Variants in FUT8 observed in about 807,000 individuals in gnomAD.
FUT8 encodes the protein alpha-(1,6)-fucosyltransferase.
FUT8 carries 29 observed loss-of-function variants against 71.3 expected under a neutral mutation model. The ratio of observed to expected loss-of-function variants is 0.41; its 90% CI spans 0.30 to 0.55. The LOEUF is 0.55. Among genes scored for constraint, FUT8 ranks in the 20% least tolerant of loss-of-function variants. The pLI is 0.34. For synonymous variants in FUT8, 254 were observed against 239.3 expected, an observed-to-expected ratio of 1.06 and a Z score of -0.57; for missense variants, 544 against 702.1, an observed-to-expected ratio of 0.77 and a Z score of 2.55.
intron 2 of FUT8, among the ~76,000 whole-genome samples, chr14:65,492,948 C>T (rs2066503789): frequency 6.6e-6 from 1 of 151,962 alleles, no homozygotes; most frequent in East Asian, 1.9e-4. Context: ...TCCCCTTTAT[C>T]TCCCCACTCC....
rs148627430 is a variant in FUT8 at position 65,705,137 on chromosome 14, A to C, written c.836-16638A>C. Among the ~76,000 whole-genome samples, 784 of 152,240 alleles carry C rather than the reference A, an allele frequency of 5.1e-3. 7 individuals carry two copies. Among genetic ancestry groups the C allele is most frequent in the African/African-American group, 0.018 (750 of 41,552 alleles). On this transcript the variant is annotated intron_variant, in intron 7 of 10. Coordinates refer to ENST00000673929, the MANE Select transcript of FUT8 (RefSeq NM_001371533.1). ...AAGTTGACAGTAATAATAGTCTTTC[A>C]AGTTGTTGACTAAGTAGAGCAGTGA...
At chr14:65,556,438 GCT>G (rs1594766398) in intron 2 of FUT8, among the ~76,000 whole-genome samples, 1 of 152,308 alleles carries the variant, frequency 6.6e-6, no homozygotes, top group East Asian at 1.9e-4. Context: ...TTGTCTGAAG[GCT>G]GCCCTCAGCT....
chr14:65,698,714 T>G (rs1324838248), intron 7 of FUT8, among the ~76,000 whole-genome samples: 2 of 152,194 alleles, frequency 1.3e-5, no homozygotes, highest in African/African-American at 2.4e-5. Flanking sequence ...ATTGTCTAGG[T>G]AAGCGATCAT....
chr14:65,445,734 AT>A (rs896702242), intron 1 of FUT8, among the ~76,000 whole-genome samples: 13 of 152,112 alleles, frequency 8.5e-5, no homozygotes, highest in African/African-American at 3.1e-4. Flanking sequence ...TCTCTATTAG[AT>A]TTTTTTTACG....
At chr14:65,617,022 A>G in intron 5 of FUT8, 1 of 1,512,948 alleles carries the variant, frequency 6.6e-7, no homozygotes. Flanking sequence ...ATGTATCTGA[A>G]AATCATTATA....
intron 6 of FUT8, among the ~76,000 whole-genome samples, chr14:65,650,586 G>A (rs1037909737): frequency 2.3e-4 from 35 of 151,326 alleles, no homozygotes; most frequent in African/African-American, 3.6e-4. Flanking sequence ...TGTGAAAAAC[G>A]GCCCTCATGA....
chr14:65,640,444 C>A (rs1418020535), intron 6 of FUT8, among the ~76,000 whole-genome samples: 1 of 151,984 alleles, frequency 6.6e-6, no homozygotes, highest in Non-Finnish European at 1.5e-5. Context: ...ATTTTTGGAA[C>A]ATATTTTTAA....
chr14:65,566,092 G>A (rs568332695), intron 3 of FUT8, among the ~76,000 whole-genome samples: 2 of 151,858 alleles, frequency 1.3e-5, no homozygotes. Flanking sequence ...GCAGTCATCT[G>A]GTGGCTTGGT....
chr14:65,445,116 G>T (rs2065719176), intron 1 of FUT8, among the ~76,000 whole-genome samples: 1 of 152,158 alleles, frequency 6.6e-6, no homozygotes, highest in South Asian at 2.1e-4. Flanking sequence ...CTGAGGCAGA[G>T]AATTGCCTAA....
chr14:65,467,963 T>C lies in FUT8; in HGVS notation c.-228+12245T>C, dbSNP rs2066071284. On this transcript the variant is annotated intron_variant, in intron 2 of 10. Coordinates refer to ENST00000673929, the MANE Select transcript of FUT8 (RefSeq NM_001371533.1). The surrounding 1 kb of genome is among the most constrained non-coding windows in gnomAD (Gnocchi z 4.1). ...CTTTCTTTTTCCGATCATTTTCCTT[T>C]ACGTGTTTCAGGAAGCTATTTTGGC... 5 of 717,016 alleles carry C rather than the reference T, an allele frequency of 7.0e-6. 1 individual carries two copies. In the South Asian group the frequency reaches 7.0e-5, roughly 10 times the overall value. 44.4% of individuals were successfully genotyped at this position (717,016 alleles called of 1,614,324 possible).
At chr14:65,609,239 G>T (rs1427168957) in intron 3 of FUT8, among the ~76,000 whole-genome samples, 1 of 150,772 alleles carries the variant, frequency 6.6e-6, no homozygotes, top group African/African-American at 2.4e-5. Flanking sequence ...AGGTTGCAGT[G>T]AGCCAGGATC....
Position 65,559,988 on chromosome 14 carries a change from G to C in FUT8, c.-227-1349G>C, listed in dbSNP as rs57715137. 2.8e-3 allele frequency among the ~76,000 whole-genome samples: 421 copies of C among 152,266 alleles called. 3 individuals are homozygous for C. Among genetic ancestry groups the C allele is most frequent in the African/African-American group, 9.6e-3 (399 of 41,564 alleles). ...CTTTTCATTCTATGTTTTAGCCAGT[G>C]TAAATCAGTAACATTAAGGTAAATG... On this transcript the variant is annotated intron_variant, in intron 2 of 10. Coordinates refer to ENST00000673929, the MANE Select transcript of FUT8 (RefSeq NM_001371533.1).
intron 1 of FUT8, among the ~76,000 whole-genome samples, chr14:65,426,140 C>G (rs1322307101): frequency 1.3e-5 from 2 of 152,084 alleles, no homozygotes; most frequent in African/African-American, 4.8e-5. Flanking sequence ...TTGGCAACCA[C>G]CATTCTGTTC....
intron 6 of FUT8, among the ~76,000 whole-genome samples, chr14:65,633,620 C>T (rs1241978126): frequency 8.6e-5 from 13 of 151,224 alleles, no homozygotes; most frequent in African/African-American, 3.2e-4. Context: ...TGGGGAGCGC[C>T]TCTGCCCCGC....
intron 1 of FUT8, among the ~76,000 whole-genome samples, chr14:65,427,975 G>A (rs898820653): frequency 1.3e-5 from 2 of 152,116 alleles, no homozygotes; most frequent in Non-Finnish European, 2.9e-5. Flanking sequence ...GCATGATTCT[G>A]TTTAGTAATG....
At chr14:65,490,350 T>TA (rs1277924927) in intron 2 of FUT8, among the ~76,000 whole-genome samples, 3 of 152,120 alleles carry the variant, frequency 2.0e-5, no homozygotes, top group African/African-American at 7.2e-5. Context: ...TATGCACAGT[T>TA]AAGTGATTTT....
intron 7 of FUT8, among the ~76,000 whole-genome samples, chr14:65,683,002 C>G (rs1893107695): frequency 1.3e-5 from 2 of 150,622 alleles, no homozygotes; most frequent in Admixed American, 1.3e-4. Context: ...TTTACATTCA[C>G]AGTAATTGCA....
intron 1 of FUT8, among the ~76,000 whole-genome samples, chr14:65,444,302 A>G (rs2065705713): frequency 6.6e-6 from 1 of 152,262 alleles, no homozygotes; most frequent in Admixed American, 6.5e-5. Context: ...AACCTAGACA[A>G]TAGCAAGCTG....
chr14:65,733,538 G>A (rs959982802), intron 10 of FUT8, among the ~76,000 whole-genome samples, 157 bp downstream of exon 10: 1 of 152,136 alleles, frequency 6.6e-6, no homozygotes, highest in African/African-American at 2.4e-5. Context: ...TGAAAGAATG[G>A]AAAGATCCCA....
Sources: allele counts gnomAD v4.1 joint callset (sites outside exome capture counted in the v4.1 genomes callset), GRCh38; gene constraint gnomAD v4.1.1; non-coding constraint Gnocchi (gnomAD v3.1); transcripts MANE v1.5; gene names NCBI Gene and HGNC (gene_info 2026-07-23, HGNC 2026-07-21).